Variants in ZFP92 observed in about 807,000 individuals in gnomAD.
ZFP92 encodes the protein zinc finger protein 92 homolog.
A neutral mutation model predicts 7.6 loss-of-function variants in ZFP92; 2 were observed. The observed-to-expected ratio is 0.26, with a 90% confidence interval of 0.11 to 0.83. The LOEUF is 0.83. Among genes scored for constraint, ZFP92 ranks in the 40% least tolerant of loss-of-function variants. ZFP92 has a pLI of 0.65. For missense variants in ZFP92, 324 were observed against 408.3 expected (o/e 0.79, Z 1.78); for synonymous variants, 226 against 183.6 (o/e 1.23, Z -1.87).
At position 153,418,479 on chromosome X, in the gene ZFP92, G is replaced by A. The variant is rs781810173; in HGVS notation, c.33+124G>A. The A allele has an allele frequency of 1.1e-5, 11 of 1,005,938 alleles. No homozygotes were observed. In the East Asian group the frequency reaches 3.4e-4, roughly 31 times the overall value. The allele number at this position is 1,005,938 out of a possible 1,213,427, so 82.9% of individuals were successfully genotyped here. A position where few individuals can be genotyped will look rare whatever the true frequency, so the allele number is the denominator to read the frequency against. On this transcript the variant is annotated intron_variant, in intron 3 of 5. Coordinates refer to ENST00000338647, the MANE Select transcript of ZFP92 (RefSeq NM_001136273.2). ...CCTTAGCATCGTTTTCCTTTCCTGA[G>A]GCGCACAATCTGGGCTTCCTGCCTC... is the stretch of plus-strand genomic sequence containing the variant.
chrX:153,415,161 C>T (rs1039512412), intron 2 of ZFP92, among the ~76,000 whole-genome samples: 6 of 112,640 alleles, frequency 5.3e-5, no homozygotes, highest in Admixed American at 1.9e-4. Context: ...AGGCAGGGGC[C>T]GTTGGAGTGT....
At chrX:153,420,509 C>G (rs2088989270) in intron 5 of ZFP92, 134 bp from the exon 6 acceptor site, 5 of 981,546 alleles carry the variant, frequency 5.1e-6, no homozygotes, top group Non-Finnish European at 5.4e-6. Context: ...GCCCCTTCAT[C>G]TCTCCTGTCT....
rs1250988451 is a variant in ZFP92 at position 153,424,727 on chromosome X, C to T, written c.*3099C>T. On this transcript the variant is annotated 3_prime_UTR_variant, in exon 6 of 6. Coordinates refer to ENST00000338647, the MANE Select transcript of ZFP92 (RefSeq NM_001136273.2). ...CCACATAAATGCTCTGGCAGTGTCT[C>T]CATGTAACTAGTAAATTGTCCTGGC... The T allele has an allele frequency of 8.9e-6, 1 of 112,617 alleles. No homozygotes were observed. The highest frequency in any genetic ancestry group is 1.9e-5 in the Non-Finnish European group (1 of 53,330). The allele number at this position is 112,617 out of a possible 1,213,427, so 9.3% of individuals were successfully genotyped here.
At chrX:153,420,397 CG>C (rs1269921750) in intron 5 of ZFP92, 65 bp downstream of exon 5, 24 of 778,525 alleles carry the variant, frequency 3.1e-5, no homozygotes, top group Non-Finnish European at 4.3e-5. Flanking sequence ...GCAAAGGGGG[CG>C]GGGGAGGGTA....
intron 3 of ZFP92, 110 bp downstream of exon 3, chrX:153,418,465 T>C (rs2088972958): frequency 9.6e-7 from 1 of 1,045,815 alleles, no homozygotes; most frequent in Non-Finnish European, 1.3e-6. Context: ...CTTAGCATCG[T>C]TTTCCTTTCC....
In ZFP92 at chrX:153,421,166, C is replaced by T. The variant is rs2088998443; in HGVS notation, c.789C>T (p.Pro263=). 2.6e-6 allele frequency: 3 copies of T among 1,175,724 alleles called. No individual in the cohort carries two copies. Among genetic ancestry groups the T allele is most frequent in the African/African-American group, 1.8e-5 (1 of 54,924 alleles). ...EHARVHSGER[P]YACPECGKAF... is the part of the protein sequence containing the mutation. ...CGCGCGTGCACAGCGGCGAGCGGCC[C>T]TACGCGTGCCCAGAGTGCGGCAAGG... The change falls in exon 6 of 6, where the codon CCC becomes CCT. Residue 263 remains proline, a synonymous_variant. Coordinates refer to ENST00000338647, the MANE Select transcript of ZFP92 (RefSeq NM_001136273.2).
In ZFP92 at chrX:153,424,040, A is replaced by G. The variant is rs2089026299; in HGVS notation, c.*2412A>G. 1 of 111,942 alleles carries G rather than the reference A, an allele frequency of 8.9e-6. No homozygotes were observed. 9.2% of individuals were successfully genotyped at this position (111,942 alleles called of 1,213,427 possible). A position where few individuals can be genotyped will look rare whatever the true frequency, so the allele number is the denominator to read the frequency against. ...GCCAGCTTTCACTAAAGAAGAATCG[A>G]CTCCTTAGTATCTTGTCATGCCATT... On this transcript the variant is annotated 3_prime_UTR_variant, in exon 6 of 6. Coordinates refer to ENST00000338647, the MANE Select transcript of ZFP92 (RefSeq NM_001136273.2).
rs1193763761 is a variant in ZFP92 at position 153,426,203 on chromosome X, C to T, written c.*4575C>T. 2.7e-5 allele frequency: 3 copies of T among 110,224 alleles called. No homozygotes were observed. Among genetic ancestry groups the T allele is most frequent in the Non-Finnish European group, 5.7e-5 (3 of 52,909 alleles). 9.1% of individuals were successfully genotyped at this position (110,224 alleles called of 1,213,427 possible). A position where few individuals can be genotyped will look rare whatever the true frequency, so the allele number is the denominator to read the frequency against. ...GCTCCTCACTGTCCCCCATCCCCACCGCCACTGCTTGGCTTGCTGTCACTA... is the reference window on the plus strand; with the variant it reads ...GCTCCTCACTGTCCCCCATCCCCACTGCCACTGCTTGGCTTGCTGTCACTA... On this transcript the variant is annotated 3_prime_UTR_variant, in exon 6 of 6. Transcript: ENST00000338647.
At chrX:153,416,670 G>A (rs1052701214) in intron 2 of ZFP92, among the ~76,000 whole-genome samples, 1 of 111,956 alleles carries the variant, frequency 8.9e-6, no homozygotes, top group African/African-American at 3.3e-5. Context: ...TGGTGGGGGC[G>A]TGTGCTGAGA....
chrX:153,422,652 G>A lies in ZFP92; in HGVS notation c.*1024G>A. 8.9e-6 allele frequency: 1 copy of A among 111,966 alleles called. No homozygotes were observed. The highest frequency in any genetic ancestry group is 1.9e-5 in the Non-Finnish European group (1 of 53,163). The allele number at this position is 111,966 out of a possible 1,213,427, so 9.2% of individuals were successfully genotyped here. On this transcript the variant is annotated 3_prime_UTR_variant, in exon 6 of 6. Transcript: ENST00000338647. ...CTCTCTTGCGGCTGGTGACGATTAG[G>A]AGGAAAGCCAGACGGGTTAGGAATT...
intron 2 of ZFP92, among the ~76,000 whole-genome samples, chrX:153,416,257 T>C (rs1421546393): frequency 1.8e-5 from 2 of 111,601 alleles, no homozygotes; most frequent in African/African-American, 6.5e-5. Context: ...AGCAGGACTG[T>C]CCCACCCTAT....
rs1197371517 is a variant in ZFP92 at position 153,426,080 on chromosome X, ATG to A, written c.*4457_*4458del. The A allele has an allele frequency of 9.0e-6, 1 of 111,055 alleles. No homozygotes were observed. Among genetic ancestry groups the A allele is most frequent in the Non-Finnish European group, 1.9e-5 (1 of 53,042 alleles). 9.2% of individuals were successfully genotyped at this position (111,055 alleles called of 1,213,427 possible). A position where few individuals can be genotyped will look rare whatever the true frequency, so the allele number is the denominator to read the frequency against. On this transcript the variant is annotated 3_prime_UTR_variant, in exon 6 of 6. Transcript: ENST00000338647. Reference sequence around the variant, plus strand: ...AGTGTACAGTTGGAGGGTTTTTGGCATGTGTGGACACCCATGAAACCTCCCCC... The same window carrying A: ...AGTGTACAGTTGGAGGGTTTTTGGCATGTGGACACCCATGAAACCTCCCCC...
At chrX:153,412,405 C>A (rs1418066403) in intron 2 of ZFP92, among the ~76,000 whole-genome samples, 1 of 112,509 alleles carries the variant, frequency 8.9e-6, no homozygotes, top group Non-Finnish European at 1.9e-5. Flanking sequence ...AGGGACACGG[C>A]GGTAGTAAGC....
chrX:153,419,100 G>C (rs1026170454), intron 4 of ZFP92, among the ~76,000 whole-genome samples: 1 of 112,943 alleles, frequency 8.9e-6, no homozygotes, highest in African/African-American at 3.2e-5. Context: ...CTACTCAAAA[G>C]AGAGATGCAA....
chrX:153,416,903 G>A (rs1259982525), intron 2 of ZFP92, among the ~76,000 whole-genome samples: 4 of 111,634 alleles, frequency 3.6e-5, no homozygotes, highest in Admixed American at 1.9e-4. Flanking sequence ...CAGAGATCAC[G>A]TGGCCAGAGG....
chrX:153,420,423 G>A lies in ZFP92; in HGVS notation c.265+91G>A, dbSNP rs782186001. The stretch of plus-strand genomic sequence containing the variant: ...GGGGGAGGGTACCCTGCCGCTTTGG[G>A]TGGGAAATCCTCTTTGGAGGCAGAT... On this transcript the variant is annotated intron_variant, in intron 5 of 5. Coordinates refer to ENST00000338647, the MANE Select transcript of ZFP92 (RefSeq NM_001136273.2). 1.5e-4 allele frequency: 137 copies of A among 942,777 alleles called. 1 individual carries two copies. The highest frequency in any genetic ancestry group is 1.9e-4 in the Non-Finnish European group (131 of 696,437). 77.7% of individuals were successfully genotyped at this position (942,777 alleles called of 1,213,427 possible). A position where few individuals can be genotyped will look rare whatever the true frequency, so the allele number is the denominator to read the frequency against.
rs782404954 is a variant in ZFP92, at chrX:153,413,655, TC to T, written c.-19+1646del. 4.5e-5 allele frequency among the ~76,000 whole-genome samples: 5 copies of T among 110,613 alleles called. No individual in the cohort carries two copies. In the East Asian group the frequency reaches 1.1e-3, roughly 25 times the overall value. On this transcript the variant is annotated intron_variant, in intron 2 of 5. Transcript: ENST00000338647. Reference sequence around the variant, plus strand: ...TTCTGCTTGGCCTCTGCTCTGCTGGTCCCCAAAGGTCACAGGGTCTTGCTGG... The same window carrying T: ...TTCTGCTTGGCCTCTGCTCTGCTGGTCCCAAAGGTCACAGGGTCTTGCTGG...
At chrX:153,412,653 G>A (rs1370573224) in intron 2 of ZFP92, among the ~76,000 whole-genome samples, 1 of 111,707 alleles carries the variant, frequency 9.0e-6, no homozygotes, top group Non-Finnish European at 1.9e-5. Flanking sequence ...TAGGCACAAG[G>A]AATCCCCTGT....
At chrX:153,417,561 A>G (rs782116272) in intron 2 of ZFP92, among the ~76,000 whole-genome samples, 1 of 112,123 alleles carries the variant, frequency 8.9e-6, no homozygotes, top group South Asian at 3.7e-4. Flanking sequence ...GCTTCCAGGA[A>G]TGGCTGGAAA....
Sources: gnomAD v4.1 joint callset for allele counts (sites outside exome capture counted in the v4.1 genomes callset) on GRCh38, gnomAD v4.1.1 for gene constraint, MANE v1.5 for transcripts, NCBI Gene and HGNC (gene_info 2026-07-23, HGNC 2026-07-21) for gene names.